The following MTHFD1L variants were observed in gnomAD, a reference collection of about 807,000 sequenced individuals.
MTHFD1L encodes the protein methylenetetrahydrofolate dehydrogenase (NADP+ dependent) 1 like.
Under a neutral mutation model 119.5 loss-of-function variants are expected in MTHFD1L, and 81 were observed. The observed-to-expected ratio is 0.68, with a 90% confidence interval of 0.57 to 0.82. The LOEUF is 0.82. Among genes scored for constraint, MTHFD1L ranks in the 40% least tolerant of loss-of-function variants. The probability of loss-of-function intolerance (pLI) is 0.00; values close to 1 mark genes in which losing one functional copy is unlikely to be tolerated. For missense variants in MTHFD1L, 1,125 were observed against 1,253.4 expected (o/e 0.90, Z 1.55); for synonymous variants, 430 against 475.2 (o/e 0.90, Z 1.24).
chr6:150,960,460 G>A (rs758054628), intron 18 of MTHFD1L, 45 bp downstream of exon 18: 200 of 1,554,546 alleles, frequency 1.3e-4, no homozygotes, highest in Non-Finnish European at 1.6e-4. Context: ...GACGGTCCTC[G>A]TTCTTCGTTA....
intron 4 of MTHFD1L, among the ~76,000 whole-genome samples, chr6:150,881,706 G>A (rs916421390): frequency 6.6e-6 from 1 of 152,076 alleles, no homozygotes. Context: ...TTATTTGGAA[G>A]GGAGGAACTT....
At chr6:151,049,740 G>A (rs1333130829) in intron 26 of MTHFD1L, among the ~76,000 whole-genome samples, 3 of 151,932 alleles carry the variant, frequency 2.0e-5, no homozygotes, top group African/African-American at 7.3e-5. Context: ...TCACAGAACT[G>A]AGAGAAACAC....
At chr6:150,970,616 T>A (rs1396993869) in intron 19 of MTHFD1L, among the ~76,000 whole-genome samples, 1 of 152,256 alleles carries the variant, frequency 6.6e-6, no homozygotes, top group African/African-American at 2.4e-5. Context: ...GAAAGGGCCA[T>A]TATGGAGAAT....
At chr6:151,099,772 A>T in intron 27 of MTHFD1L, 2 of 1,608,498 alleles carry the variant, frequency 1.2e-6, no homozygotes, top group East Asian at 4.5e-5. Flanking sequence ...CCACAACGTC[A>T]AGGAGCTGGA....
chr6:150,876,799 G>A (rs1015814113), intron 2 of MTHFD1L, among the ~76,000 whole-genome samples: 26 of 152,180 alleles, frequency 1.7e-4, no homozygotes, highest in Non-Finnish European at 3.4e-4. Context: ...GGCTGCTACC[G>A]CAGGGCTTGG....
chr6:150,932,191 A>G (rs1326244775), intron 11 of MTHFD1L, among the ~76,000 whole-genome samples: 1 of 144,888 alleles, frequency 6.9e-6, no homozygotes, highest in Non-Finnish European at 1.5e-5. Flanking sequence ...AAAAAGCATC[A>G]TTCCATTGTC....
At chr6:150,898,038 T>G (rs1358044650) in intron 7 of MTHFD1L, among the ~76,000 whole-genome samples, 1 of 152,094 alleles carries the variant, frequency 6.6e-6, no homozygotes, top group Non-Finnish European at 1.5e-5. Context: ...GGGACAGAGT[T>G]TCTCCATGTT....
At chr6:151,011,095 A>G (rs1343806362) in intron 21 of MTHFD1L, among the ~76,000 whole-genome samples, 1 of 152,226 alleles carries the variant, frequency 6.6e-6, no homozygotes, top group African/African-American at 2.4e-5. Context: ...GCAGAGCTGG[A>G]TGTTAATGAA....
At chr6:151,034,696 A>T in intron 25 of MTHFD1L, 96 bp downstream of exon 25, 3 of 774,528 alleles carry the variant, frequency 3.9e-6, no homozygotes, top group Non-Finnish European at 6.8e-6. Context: ...GCACCAGCTA[A>T]CCTTTGCTTA....
chr6:150,949,284 T>A (rs923112611), intron 16 of MTHFD1L, 151 bp downstream of exon 16: 28 of 647,888 alleles, frequency 4.3e-5, no homozygotes, highest in Middle Eastern at 5.5e-4. Flanking sequence ...TCAGTTACTA[T>A]TATCGTACCA....
At chr6:150,866,960 G>A (rs1346523041) in intron 1 of MTHFD1L, among the ~76,000 whole-genome samples, 2 of 152,172 alleles carry the variant, frequency 1.3e-5, no homozygotes, top group Admixed American at 1.3e-4. Flanking sequence ...TCCAGGATGC[G>A]GTTTCCCCGG....
intron 10 of MTHFD1L, among the ~76,000 whole-genome samples, chr6:150,924,534 T>C (rs560116931): frequency 6.6e-6 from 1 of 152,266 alleles, no homozygotes; most frequent in East Asian, 1.9e-4. Context: ...TGGAGTGCAG[T>C]GGTGCAATCT....
intron 7 of MTHFD1L, among the ~76,000 whole-genome samples, chr6:150,903,038 AAATG>A (rs1343854686): frequency 1.4e-4 from 21 of 152,082 alleles, no homozygotes; most frequent in African/African-American, 4.8e-4. Context: ...TACTATATAT[AAATG>A]AAGAAATAAA....
At chr6:151,010,978 A>C (rs1782131800) in intron 21 of MTHFD1L, among the ~76,000 whole-genome samples, 1 of 152,194 alleles carries the variant, frequency 6.6e-6, no homozygotes, top group Non-Finnish European at 1.5e-5. Flanking sequence ...ATACCATTTT[A>C]CAGATAAGGA....
chr6:151,054,028 C>G (rs1389860943), intron 26 of MTHFD1L, among the ~76,000 whole-genome samples: 1 of 151,994 alleles, frequency 6.6e-6, no homozygotes. Flanking sequence ...TGATGTTTGT[C>G]ATAAAAGAGT....
intron 26 of MTHFD1L, among the ~76,000 whole-genome samples, chr6:151,056,884 C>T (rs1790029682): frequency 6.6e-6 from 1 of 152,218 alleles, no homozygotes; most frequent in South Asian, 2.1e-4. Context: ...AGGCCTAGCA[C>T]TTGGCACACA....
chr6:150,892,596 A>G (rs1324864229), intron 7 of MTHFD1L, among the ~76,000 whole-genome samples: 1 of 152,186 alleles, frequency 6.6e-6, no homozygotes, highest in Non-Finnish European at 1.5e-5. Flanking sequence ...AAATATGGGA[A>G]GAAATGTTCA....
intron 26 of MTHFD1L, among the ~76,000 whole-genome samples, chr6:151,067,250 C>T (rs1451439032): frequency 5.3e-5 from 8 of 151,564 alleles, no homozygotes; most frequent in African/African-American, 7.3e-5. Flanking sequence ...TCCCGGCCAT[C>T]GATTTGATTA....
Position 150,926,379 on chromosome 6 carries a change from A to AATCC in MTHFD1L, c.1256+89_1256+92dup. 1 of 1,185,724 alleles carries AATCC rather than the reference A, an allele frequency of 8.4e-7. No individual in the cohort carries two copies. Among genetic ancestry groups the AATCC allele is most frequent in the African/African-American group, 1.5e-5 (1 of 65,454 alleles). 73.5% of individuals were successfully genotyped at this position (1,185,724 alleles called of 1,614,324 possible). A position where few individuals can be genotyped will look rare whatever the true frequency, so the allele number is the denominator to read the frequency against. ...ATTTATCTCTCTCCTCGTACCCCTC[A>AATCC]ATCCATCCTATTCTCACATTTGACA... On this transcript the variant is annotated intron_variant, in intron 11 of 27. Transcript: ENST00000367321. The surrounding 1 kb of genome is among the most constrained non-coding windows in gnomAD (Gnocchi z 4.3).
Sources: gnomAD v4.1 joint callset for allele counts (sites outside exome capture counted in the v4.1 genomes callset) on GRCh38, gnomAD v4.1.1 for gene constraint, Gnocchi (gnomAD v3.1) non-coding constraint, MANE v1.5 for transcripts, NCBI Gene and HGNC (gene_info 2026-07-23, HGNC 2026-07-21) for gene names.